HMGB1: variants seen among roughly 807,000 people sequenced by gnomAD.
The protein encoded by HMGB1 is high mobility group protein B1.
For missense variants in HMGB1, 79 were observed against 253.5 expected (o/e 0.31, Z 4.67); for synonymous variants, 81 against 84.0 (o/e 0.96, Z 0.19).
In HMGB1 at chr13:30,459,934, G is replaced by A. The variant is rs1335275502; in HGVS notation, c.*1423C>T. 2.0e-5 allele frequency: 3 copies of A among 152,514 alleles called. No individual in the cohort carries two copies. The highest frequency in any genetic ancestry group is 1.3e-4 in the Admixed American group (2 of 15,280). 9.4% of individuals were successfully genotyped at this position (152,514 alleles called of 1,614,324 possible). A position where few individuals can be genotyped will look rare whatever the true frequency, so the allele number is the denominator to read the frequency against. ...TCCTCCTGAAATTACATAAACAAAT[G>A]CAAATGGAAAGAATCCAAGTCTAAA... On this transcript the variant is annotated 3_prime_UTR_variant, in exon 5 of 5. Transcript: ENST00000341423.
chr13:30,518,552 C>T (rs184149666), intron 1 of HMGB1, among the ~76,000 whole-genome samples: 139 of 152,248 alleles, frequency 9.1e-4, no homozygotes, highest in Non-Finnish European at 1.7e-3. Flanking sequence ...TCCTTAACCT[C>T]AGTTTCCTCT....
At chr13:30,481,272 A>C (rs1481920916) in intron 1 of HMGB1, among the ~76,000 whole-genome samples, 3 of 149,920 alleles carry the variant, frequency 2.0e-5, no homozygotes, top group Non-Finnish European at 3.0e-5. Context: ...GAAAAAAAAA[A>C]CACACAGATG....
intron 1 of HMGB1, among the ~76,000 whole-genome samples, chr13:30,481,323 T>A (rs1185665469): frequency 1.3e-5 from 2 of 150,338 alleles, no homozygotes; most frequent in Non-Finnish European, 3.0e-5. Context: ...AAAAAGAGAA[T>A]GCCAAGAAGG....
chr13:30,556,764 GAC>G (rs1869709745), intron 1 of HMGB1, among the ~76,000 whole-genome samples: 1 of 152,216 alleles, frequency 6.6e-6, no homozygotes, highest in Non-Finnish European at 1.5e-5. Flanking sequence ...GGACGAGAGT[GAC>G]AGAGAGATTT....
chr13:30,555,619 C>T (rs1475516236), intron 1 of HMGB1, among the ~76,000 whole-genome samples: 1 of 151,994 alleles, frequency 6.6e-6, no homozygotes, highest in Admixed American at 6.6e-5. Flanking sequence ...TAAACAATGC[C>T]TATAATTATT....
chr13:30,500,127 T>C (rs1887700928), intron 1 of HMGB1, among the ~76,000 whole-genome samples: 3 of 152,162 alleles, frequency 2.0e-5, no homozygotes, highest in South Asian at 4.1e-4. Context: ...TTATAAAAGC[T>C]AGCTTGGCTC....
At chr13:30,569,360 C>T (rs1431993342) in intron 1 of HMGB1, among the ~76,000 whole-genome samples, 3 of 152,134 alleles carry the variant, frequency 2.0e-5, no homozygotes, top group African/African-American at 7.2e-5. Flanking sequence ...GTCTTTATAT[C>T]CTGTCAAAAA....
At chr13:30,582,227 A>G (rs925914019) in intron 1 of HMGB1, among the ~76,000 whole-genome samples, 2 of 152,246 alleles carry the variant, frequency 1.3e-5, no homozygotes, top group Admixed American at 6.5e-5. Context: ...TATTGGAATT[A>G]GCACAACTTA....
chr13:30,537,096 C>A (rs1470493594), intron 1 of HMGB1, among the ~76,000 whole-genome samples: 1 of 152,180 alleles, frequency 6.6e-6, no homozygotes, highest in Non-Finnish European at 1.5e-5. Flanking sequence ...TATGAAATGT[C>A]TTTATTTTAC....
At chr13:30,554,166 G>T in intron 1 of HMGB1, 1 of 1,364,924 alleles carries the variant, frequency 7.3e-7, no homozygotes, top group South Asian at 1.2e-5. Flanking sequence ...AATATCAATA[G>T]TGGTGAAACC....
At chr13:30,595,545 A>G (rs188742796) in intron 1 of HMGB1, among the ~76,000 whole-genome samples, 26 of 152,348 alleles carry the variant, frequency 1.7e-4, no homozygotes, top group Admixed American at 1.6e-3. Flanking sequence ...TATTTCCTTA[A>G]CTTTAGTAGC....
chr13:30,476,370 C>T (rs989360663), intron 1 of HMGB1, among the ~76,000 whole-genome samples: 8 of 151,818 alleles, frequency 5.3e-5, no homozygotes, highest in African/African-American at 1.7e-4. Context: ...AACTCCTGAC[C>T]TCAAGTGTTC....
At chr13:30,464,510 C>T (rs957038379) in intron 1 of HMGB1, 2 of 984,562 alleles carry the variant, frequency 2.0e-6, no homozygotes, top group African/African-American at 3.5e-5. Context: ...GCCGCGCGGC[C>T]GAGGAGAGAG....
chr13:30,464,496 G>A, intron 1 of HMGB1: 1 of 984,902 alleles, frequency 1.0e-6, no homozygotes, highest in Non-Finnish European at 1.2e-6. Context: ...GAACTTCGCC[G>A]GTGGCCGCGC....
intron 1 of HMGB1, among the ~76,000 whole-genome samples, chr13:30,598,958 T>C (rs1871739363): frequency 6.6e-6 from 1 of 151,930 alleles, no homozygotes; most frequent in Non-Finnish European, 1.5e-5. Flanking sequence ...ATATAATATA[T>C]TGTGTGTGTA....
intron 1 of HMGB1, among the ~76,000 whole-genome samples, chr13:30,612,071 G>A (rs1950517649): frequency 2.6e-5 from 4 of 151,924 alleles, no homozygotes; most frequent in Admixed American, 2.6e-4. Flanking sequence ...CTATATAGAT[G>A]ATGGTGAACC....
intron 1 of HMGB1, chr13:30,540,233 G>C (rs1868803417): frequency 5.2e-6 from 1 of 193,054 alleles, no homozygotes; most frequent in African/African-American, 2.3e-5. Flanking sequence ...AGATCTGTAG[G>C]CTTCTTCTGT....
At chr13:30,469,820 G>C (rs997024635), upstream of HMGB1, among the ~76,000 whole-genome samples, 2 of 152,148 alleles carry the variant, frequency 1.3e-5, no homozygotes, top group African/African-American at 4.8e-5. Context: ...TAGTGGAGAC[G>C]GGGTTTCACC....
chr13:30,575,204 T>G (rs28483158), intron 1 of HMGB1, among the ~76,000 whole-genome samples: 1 of 152,236 alleles, frequency 6.6e-6, no homozygotes, highest in African/African-American at 2.4e-5. Context: ...AGAAAGCAAT[T>G]AACATACAAA....
Sources: allele counts gnomAD v4.1 joint callset (sites outside exome capture counted in the v4.1 genomes callset), GRCh38; gene constraint gnomAD v4.1.1; transcripts MANE v1.5; gene names NCBI Gene and HGNC (gene_info 2026-07-23, HGNC 2026-07-21).